Variants in ITM2B observed in about 807,000 individuals in gnomAD.
ITM2B encodes ABri/ADan amyloid peptide.
In ITM2B, 11 loss-of-function variants were observed where a neutral mutation model predicts 27.8. That is an observed-to-expected ratio of 0.40 (90% confidence interval 0.25 to 0.66). The LOEUF (loss-of-function observed/expected upper bound fraction) is 0.66. Among genes scored for constraint, ITM2B ranks in the 30% least tolerant of loss-of-function variants. The pLI is 0.43. For missense variants in ITM2B, 296 were observed against 328.9 expected, an observed-to-expected ratio of 0.90 and a Z score of 0.77; for synonymous variants, 114 against 114.3, an observed-to-expected ratio of 1.00 and a Z score of 0.02.
intron 1 of ITM2B, 34 bp from the exon 2 acceptor site, chr13:48,253,774 G>A: frequency 1.2e-6 from 2 of 1,605,696 alleles, no homozygotes; most frequent in Non-Finnish European, 8.5e-7. Context: ...TCTGTCTGGA[G>A]ATAAGATATT....
In ITM2B at chr13:48,262,479, C is replaced by CT. The variant is rs1288628680; in HGVS notation, c.*1258dup. 6.6e-6 allele frequency: 1 copy of CT among 152,052 alleles called. No individual in the cohort carries two copies. The highest frequency in any genetic ancestry group is 1.5e-5 in the Non-Finnish European group (1 of 67,990). The allele number at this position is 152,052 out of a possible 1,614,324, so 9.4% of individuals were successfully genotyped here. ...TTTCATTTCAGTAATATTGTCAGAA[C>CT]TTTAAGTCAGTGAGTTGGGTATTCA... On this transcript the variant is annotated 3_prime_UTR_variant, in exon 6 of 6. Transcript: ENST00000647800.
intron 2 of ITM2B, among the ~76,000 whole-genome samples, chr13:48,255,600 C>T (rs1951782653): frequency 1.3e-5 from 2 of 152,142 alleles, no homozygotes; most frequent in South Asian, 2.1e-4. Flanking sequence ...CTGCACCCGA[C>T]CTTATGTACT....
intron 1 of ITM2B, among the ~76,000 whole-genome samples, chr13:48,238,172 C>CT (rs1951679457): frequency 6.6e-6 from 1 of 152,066 alleles, no homozygotes; most frequent in Admixed American, 6.6e-5. Context: ...AATTATAACA[C>CT]TAAGGACATC....
rs748787214 is a variant in ITM2B at position 48,253,950 on chromosome 13, T to C, written c.246+14T>C. ...TTTGCACTTCAAGTAAGTGGAAAAA[T>C]TATTTTGTGTCTCTGATTTTTTTTT... On this transcript the variant is annotated intron_variant, in intron 2 of 5. Coordinates refer to ENST00000647800, the MANE Select transcript of ITM2B (RefSeq NM_021999.5). 3.1e-6 allele frequency: 5 copies of C among 1,612,086 alleles called. No homozygotes were observed. The highest frequency in any genetic ancestry group is 2.5e-6 in the Non-Finnish European group (3 of 1,179,226).
At chr13:48,242,201 A>C (rs764161016) in intron 1 of ITM2B, among the ~76,000 whole-genome samples, 1 of 152,152 alleles carries the variant, frequency 6.6e-6, no homozygotes, top group Non-Finnish European at 1.5e-5. Flanking sequence ...TGAGTATTGT[A>C]GTATACTTTT....
At chr13:48,252,649 T>C (rs979101809) in intron 1 of ITM2B, among the ~76,000 whole-genome samples, 1 of 152,182 alleles carries the variant, frequency 6.6e-6, no homozygotes, top group African/African-American at 2.4e-5. Flanking sequence ...CAATGACCGA[T>C]CCTGTTTTTG....
chr13:48,265,606 G>T lies in ITM2B; in HGVS notation c.*4382G>T, dbSNP rs987623004. On this transcript the variant is annotated 3_prime_UTR_variant, in exon 6 of 6. Transcript: ENST00000647800. ...GATAAAGACCAAAATACTTAATGCT[G>T]CACAGTCCAGTCCCAACCCACTCTC... 1.3e-5 allele frequency: 2 copies of T among 152,456 alleles called. No individual in the cohort carries two copies. Among genetic ancestry groups the T allele is most frequent in the East Asian group, 3.9e-4 (2 of 5,194 alleles). The allele number at this position is 152,456 out of a possible 1,614,324, so 9.4% of individuals were successfully genotyped here. A position where few individuals can be genotyped will look rare whatever the true frequency, so the allele number is the denominator to read the frequency against.
chr13:48,238,494 T>A (rs1951681565), intron 1 of ITM2B, among the ~76,000 whole-genome samples: 2 of 152,192 alleles, frequency 1.3e-5, no homozygotes, highest in Admixed American at 6.5e-5. Context: ...CTTGTTTTTA[T>A]GGTAGAGATA....
At chr13:48,235,457 T>C (rs925644294) in intron 1 of ITM2B, among the ~76,000 whole-genome samples, 1 of 152,202 alleles carries the variant, frequency 6.6e-6, no homozygotes, top group Non-Finnish European at 1.5e-5. Context: ...AGATAAAAAA[T>C]GACTAATTCT....
intron 1 of ITM2B, among the ~76,000 whole-genome samples, chr13:48,249,966 T>G (rs1011032590): frequency 6.6e-6 from 1 of 152,228 alleles, no homozygotes; most frequent in Non-Finnish European, 1.5e-5. Flanking sequence ...TTTTAATAAA[T>G]CTCTTAGATT....
At chr13:48,236,448 A>G (rs1283071195) in intron 1 of ITM2B, among the ~76,000 whole-genome samples, 2 of 152,120 alleles carry the variant, frequency 1.3e-5, no homozygotes, top group African/African-American at 4.8e-5. Context: ...TCTGTCTGTA[A>G]GATGAGAGGG....
chr13:48,265,775 A>G lies in ITM2B; in HGVS notation c.*4551A>G, dbSNP rs1320291065. 1 of 151,986 alleles carries G rather than the reference A, an allele frequency of 6.6e-6. No individual in the cohort carries two copies. Among genetic ancestry groups the G allele is most frequent in the Non-Finnish European group, 1.5e-5 (1 of 67,996 alleles). 9.4% of individuals were successfully genotyped at this position (151,986 alleles called of 1,614,324 possible). ...ACACCCTTCAGTTAGCTTCCACTCAACCTTCAGAATTTAGTTCAGGTGACC... is the reference window on the plus strand; with the variant it reads ...ACACCCTTCAGTTAGCTTCCACTCAGCCTTCAGAATTTAGTTCAGGTGACC... On this transcript the variant is annotated 3_prime_UTR_variant, in exon 6 of 6. Transcript: ENST00000647800.
At chr13:48,251,530 T>G (rs1343123079) in intron 1 of ITM2B, among the ~76,000 whole-genome samples, 1 of 152,248 alleles carries the variant, frequency 6.6e-6, no homozygotes, top group Non-Finnish European at 1.5e-5. Context: ...TATAATTTAT[T>G]CTCAAAATGA....
rs766650893 is a variant in ITM2B at position 48,256,338 on chromosome 13, G to A, written c.408G>A (p.Glu136=). Residue 136 remains glutamate, a synonymous_variant, in exon 3 of 6, where the codon GAG becomes GAA. Transcript: ENST00000647800. ...EVEFISVPVP[E]FADSDPANIV... ...AATTTATCAGTGTGCCTGTCCCAGA[G>A]TTTGCAGATAGTGATCCTGCCAACA... 4 of 1,613,974 alleles carry A rather than the reference G, an allele frequency of 2.5e-6. No homozygotes were observed. The highest frequency in any genetic ancestry group is 3.4e-6 in the Non-Finnish European group (4 of 1,179,992).
Position 48,264,381 on chromosome 13 carries a change from C to T in ITM2B, c.*3157C>T, listed in dbSNP as rs188617932. On this transcript the variant is annotated 3_prime_UTR_variant, in exon 6 of 6. Coordinates refer to ENST00000647800, the MANE Select transcript of ITM2B (RefSeq NM_021999.5). ...ACAGTGTCCTAAATGTTGTTTATCT[C>T]GAATAATAGAAGTAGGAGTGTAAAA... is the stretch of plus-strand genomic sequence containing the variant. 2.0e-5 allele frequency: 3 copies of T among 151,972 alleles called. No homozygotes were observed. The highest frequency in any genetic ancestry group is 4.4e-5 in the Non-Finnish European group (3 of 67,972). The allele number at this position is 151,972 out of a possible 1,614,324, so 9.4% of individuals were successfully genotyped here. A position where few individuals can be genotyped will look rare whatever the true frequency, so the allele number is the denominator to read the frequency against.
intron 1 of ITM2B, among the ~76,000 whole-genome samples, chr13:48,240,735 A>G (rs1391291773): frequency 1.3e-5 from 2 of 152,232 alleles, no homozygotes; most frequent in African/African-American, 2.4e-5. Context: ...ATATGCAAAT[A>G]TATAGTCCTG....
chr13:48,249,515 T>C (rs570194216), intron 1 of ITM2B, among the ~76,000 whole-genome samples: 9 of 152,234 alleles, frequency 5.9e-5, no homozygotes, highest in Non-Finnish European at 1.5e-5. Flanking sequence ...CTAATTAGTT[T>C]AAATAATTTG....
Position 48,261,385 on chromosome 13 carries a change from A to G in ITM2B, c.*161A>G. On this transcript the variant is annotated 3_prime_UTR_variant, in exon 6 of 6. Coordinates refer to ENST00000647800, the MANE Select transcript of ITM2B (RefSeq NM_021999.5). ...TTAATTCAATTAAAACCATTACCTT[A>G]AAATTTTTTTCTTTCGAAGTGTGGT... 1 of 590,374 alleles carries G rather than the reference A, an allele frequency of 1.7e-6. No homozygotes were observed. The highest frequency in any genetic ancestry group is 3.0e-6 in the Non-Finnish European group (1 of 335,390). The allele number at this position is 590,374 out of a possible 1,614,324, so 36.6% of individuals were successfully genotyped here. A position where few individuals can be genotyped will look rare whatever the true frequency, so the allele number is the denominator to read the frequency against.
chr13:48,235,025 T>TATATACAC (rs543054914), intron 1 of ITM2B, among the ~76,000 whole-genome samples: 1 of 151,984 alleles, frequency 6.6e-6, no homozygotes, highest in African/African-American at 2.4e-5. Flanking sequence ...TATATATATA[T>TATATACAC]ACACACATAC....
Sources: gnomAD v4.1 joint callset for allele counts (sites outside exome capture counted in the v4.1 genomes callset) on GRCh38, gnomAD v4.1.1 for gene constraint, MANE v1.5 for transcripts, NCBI Gene and HGNC (gene_info 2026-07-23, HGNC 2026-07-21) for gene names.